DLGAP2: variants seen among roughly 807,000 people sequenced by gnomAD.
DLGAP2 encodes DLG associated protein 2, also known as disks large-associated protein 2.
A neutral mutation model predicts 100.3 loss-of-function variants in DLGAP2; 26 were observed. The observed-to-expected ratio is 0.26, with a 90% confidence interval of 0.19 to 0.36. The LOEUF (loss-of-function observed/expected upper bound fraction) is 0.36, where lower values mean the gene tolerates loss of function less well. Among genes scored for constraint, DLGAP2 ranks in the 10% least tolerant of loss-of-function variants. DLGAP2 has a pLI of 1.00. For synonymous variants in DLGAP2, 886 were observed against 630.1 expected, an observed-to-expected ratio of 1.41 and a Z score of -6.08; for missense variants, 1,858 against 1,453.2, an observed-to-expected ratio of 1.28 and a Z score of -4.53.
At chr8:1,335,670 C>A (rs1337063465) in intron 3 of DLGAP2, among the ~76,000 whole-genome samples, 1 of 152,090 alleles carries the variant, frequency 6.6e-6, no homozygotes, top group African/African-American at 2.4e-5. Flanking sequence ...GAGGAAAAGT[C>A]GAGAGCAATC....
At chr8:740,219 C>G (rs1006800303) in intron 1 of DLGAP2, 4 of 152,200 alleles carry the variant, frequency 2.6e-5, no homozygotes, top group African/African-American at 9.7e-5. Context: ...AAAAGTAAAG[C>G]TTTCTCAGCA....
intron 2 of DLGAP2, among the ~76,000 whole-genome samples, chr8:945,932 A>C (rs1428543948): frequency 1.3e-5 from 2 of 152,030 alleles, no homozygotes; most frequent in South Asian, 2.1e-4. Context: ...AAGTTCCTGG[A>C]AAGTAACGAG....
chr8:1,051,846 G>A (rs1802722719), intron 2 of DLGAP2, among the ~76,000 whole-genome samples: 1 of 152,100 alleles, frequency 6.6e-6, no homozygotes, highest in African/African-American at 2.4e-5. Flanking sequence ...TCTCTAAGTG[G>A]AGAAGTCGAC....
At chr8:807,634 C>A (rs1372968337) in intron 1 of DLGAP2, among the ~76,000 whole-genome samples, 1 of 150,598 alleles carries the variant, frequency 6.6e-6, no homozygotes, top group African/African-American at 2.5e-5. Flanking sequence ...TCTTTTTCTT[C>A]TCATTCATAT....
chr8:1,476,595 G>C (rs79812969), intron 3 of DLGAP2, among the ~76,000 whole-genome samples: 1 of 152,140 alleles, frequency 6.6e-6, no homozygotes, highest in African/African-American at 2.4e-5. Context: ...GTCCCCATCG[G>C]TGACATTCCT....
At chr8:1,184,452 C>T (rs1300997496) in intron 2 of DLGAP2, among the ~76,000 whole-genome samples, 2 of 152,170 alleles carry the variant, frequency 1.3e-5, no homozygotes, top group Admixed American at 6.5e-5. Flanking sequence ...AGGAGACGGG[C>T]AGAAGAGGCT....
intron 2 of DLGAP2, among the ~76,000 whole-genome samples, chr8:1,175,038 A>G (rs1452602639): frequency 2.6e-5 from 4 of 152,176 alleles, no homozygotes; most frequent in Non-Finnish European, 4.4e-5. Flanking sequence ...GAGAGTTTGG[A>G]TGGAACTCAA....
At chr8:1,138,398 C>T (rs1351048110) in intron 2 of DLGAP2, among the ~76,000 whole-genome samples, 1 of 152,244 alleles carries the variant, frequency 6.6e-6, no homozygotes, top group Non-Finnish European at 1.5e-5. Context: ...GGGATTTCTC[C>T]ACAGATCTGG....
intron 3 of DLGAP2, among the ~76,000 whole-genome samples, chr8:1,308,635 C>T (rs1451232491): frequency 2.0e-5 from 3 of 152,168 alleles, no homozygotes; most frequent in Non-Finnish European, 4.4e-5. Flanking sequence ...AAGTGATTCT[C>T]CTGCCTCAGC....
At chr8:1,601,375 C>T (rs986521895) in intron 6 of DLGAP2, among the ~76,000 whole-genome samples, 10 of 152,334 alleles carry the variant, frequency 6.6e-5, no homozygotes, top group East Asian at 5.8e-4. Context: ...AGGAGGCACT[C>T]TGTGCCTTAG....
At chr8:994,325 C>G (rs986639212) in intron 2 of DLGAP2, among the ~76,000 whole-genome samples, 1 of 152,100 alleles carries the variant, frequency 6.6e-6, no homozygotes, top group Non-Finnish European at 1.5e-5. Context: ...CTTAGCCTCC[C>G]GAGTAGCTGG....
intron 3 of DLGAP2, among the ~76,000 whole-genome samples, chr8:1,287,810 G>GAGGGGA (rs1799974756): frequency 1.6e-5 from 2 of 128,124 alleles, no homozygotes; most frequent in Non-Finnish European, 3.3e-5. Context: ...GTTCTGTTAG[G>GAGGGGA]ACGGGAACTA....
intron 8 of DLGAP2, among the ~76,000 whole-genome samples, chr8:1,646,589 C>A (rs577511461): frequency 6.6e-6 from 1 of 152,328 alleles, no homozygotes; most frequent in South Asian, 2.1e-4. Flanking sequence ...CAGCTCTTCA[C>A]ACTGGAAAAC....
intron 2 of DLGAP2, among the ~76,000 whole-genome samples, chr8:1,191,958 A>G (rs1383554765): frequency 6.6e-6 from 1 of 152,184 alleles, no homozygotes; most frequent in Admixed American, 6.5e-5. Context: ...GTGCATGTGT[A>G]GCAATGACTT....
intron 2 of DLGAP2, among the ~76,000 whole-genome samples, chr8:1,227,180 G>A (rs188934577): frequency 1.5e-5 from 1 of 64,976 alleles, no homozygotes; most frequent in African/African-American, 8.9e-5. Flanking sequence ...ATATAGTATA[G>A]ATATATATTA....
At chr8:1,096,212 C>A (rs897014573) in intron 2 of DLGAP2, among the ~76,000 whole-genome samples, 1 of 152,192 alleles carries the variant, frequency 6.6e-6, no homozygotes, top group Non-Finnish European at 1.5e-5. Flanking sequence ...CAAACCAGGA[C>A]TGTTGATTAT....
intron 3 of DLGAP2, among the ~76,000 whole-genome samples, chr8:1,336,910 G>C (rs1449596613): frequency 6.6e-6 from 1 of 152,184 alleles, no homozygotes; most frequent in African/African-American, 2.4e-5. Context: ...CTTTTCACTA[G>C]CAAAATGACA....
chr8:1,044,811 C>T (rs1020307743), intron 2 of DLGAP2, among the ~76,000 whole-genome samples: 1 of 152,194 alleles, frequency 6.6e-6, no homozygotes, highest in African/African-American at 2.4e-5. Flanking sequence ...CTCGGGTCAC[C>T]TCTCGACCTG....
chr8:746,193 G>C (rs540268954), intron 1 of DLGAP2, among the ~76,000 whole-genome samples: 1 of 152,330 alleles, frequency 6.6e-6, no homozygotes, highest in Non-Finnish European at 1.5e-5. Flanking sequence ...TCCCTCCAGT[G>C]CTCCCAGCTC....
Sources: allele counts gnomAD v4.1 joint callset (sites outside exome capture counted in the v4.1 genomes callset), GRCh38; gene constraint gnomAD v4.1.1; transcripts MANE v1.5; gene names NCBI Gene and HGNC (gene_info 2026-07-23, HGNC 2026-07-21).